FANCM: variants seen among roughly 807,000 people sequenced by gnomAD.
FANCM encodes the protein FA complementation group M, also known as Fanconi anemia group M protein.
A neutral mutation model predicts 199.5 loss-of-function variants in FANCM; 140 were observed. The ratio of observed to expected loss-of-function variants is 0.70; its 90% CI spans 0.61 to 0.81. The LOEUF (loss-of-function observed/expected upper bound fraction) is 0.81, where lower values mean the gene tolerates loss of function less well. Ranked by LOEUF, FANCM falls within the 30% of genes least tolerant of loss-of-function variation. The probability of loss-of-function intolerance (pLI) is 0.00; values close to 1 mark genes in which losing one functional copy is unlikely to be tolerated. For synonymous variants in FANCM, 840 were observed against 836.8 expected (o/e 1.00, Z -0.07); for missense variants, 2,410 against 2,421.4 (o/e 1.00, Z 0.10).
At chr14:45,191,068 G>A (rs192287466) in intron 20 of FANCM, among the ~76,000 whole-genome samples, 1 of 152,118 alleles carries the variant, frequency 6.6e-6, no homozygotes, top group African/African-American at 2.4e-5. Context: ...TATAAATGGG[G>A]TCTGTTATTT....
At chr14:45,143,972 G>A (rs112024363) in intron 3 of FANCM, among the ~76,000 whole-genome samples, 2,831 of 152,106 alleles carry the variant, frequency 0.019, 96 homozygotes, top group African/African-American at 0.064. Flanking sequence ...GATTACAGGC[G>A]TGAGCCACCA....
rs763895177 is a variant in FANCM, at chr14:45,151,432, G to T, written c.954G>T (p.Arg318Ser). 6.2e-7 allele frequency: 1 copy of T among 1,613,448 alleles called. No individual in the cohort carries two copies. The highest frequency in any genetic ancestry group is 1.7e-5 in the Admixed American group (1 of 60,014). ...LESFARSLIQ[R>S]NVLMRRDIPN... ...CATTTGCTCGTTCTTTGATTCAGAG[G>T]AATGTTTTGATGAGAAGGGATATCC... The change falls in exon 5 of 23, where the codon AGG becomes AGT. Residue 318 changes from arginine to serine, a missense_variant. Physicochemically the swap from Arg to Ser is moderately radical, Grantham distance 110 (BLOSUM62 -1). Transcript: ENST00000267430.
intron 11 of FANCM, among the ~76,000 whole-genome samples, chr14:45,167,826 A>G (rs902031077): frequency 8.5e-5 from 13 of 152,202 alleles, no homozygotes; most frequent in African/African-American, 3.1e-4. Flanking sequence ...CTTGGGAGTC[A>G]TGTGGTCCAA....
chr14:45,198,481 C>A, intron 21 of FANCM, 163 bp from the exon 22 acceptor site: 1 of 498,270 alleles, frequency 2.0e-6, no homozygotes, highest in South Asian at 3.8e-5. Context: ...TTTTCTTTCT[C>A]AGATATTTGA....
intron 2 of FANCM, among the ~76,000 whole-genome samples, chr14:45,139,285 T>C (rs991551212): frequency 6.6e-6 from 1 of 152,244 alleles, no homozygotes; most frequent in Non-Finnish European, 1.5e-5. Flanking sequence ...TGTACCATAT[T>C]TTTAAAAGCT....
rs928124198 is a variant in FANCM, at chr14:45,136,548, G to C, written c.508+9G>C. 6.2e-7 allele frequency: 1 copy of C among 1,612,354 alleles called. No individual in the cohort carries two copies. Among genetic ancestry groups the C allele is most frequent in the African/African-American group, 1.3e-5 (1 of 75,032 alleles). ...CATGGCCGAAATGACAGGTATCTTA[G>C]ACTGGACTAATTTTGAAGTAAGAGC... On this transcript the variant is annotated intron_variant, in intron 1 of 22. Coordinates refer to ENST00000267430, the MANE Select transcript of FANCM (RefSeq NM_020937.4).
At chr14:45,179,568 T>C (rs1372249888) in intron 14 of FANCM, among the ~76,000 whole-genome samples, 1 of 136,558 alleles carries the variant, frequency 7.3e-6, no homozygotes, top group Non-Finnish European at 1.6e-5. Flanking sequence ...TTTCTTTTTT[T>C]TTTTTTTTTT....
At chr14:45,141,024 A>G (rs372586180) in intron 3 of FANCM, among the ~76,000 whole-genome samples, 1 of 152,066 alleles carries the variant, frequency 6.6e-6, no homozygotes, top group East Asian at 1.9e-4. Flanking sequence ...GTGACAGAGC[A>G]AGACCCGTAA....
chr14:45,151,577 A>G (rs767584007), intron 5 of FANCM, 49 bp downstream of exon 5: 13 of 1,537,656 alleles, frequency 8.5e-6, no homozygotes, highest in Admixed American at 6.7e-5. Context: ...TTTCACTGAA[A>G]GCCAGGATAA....
intron 7 of FANCM, among the ~76,000 whole-genome samples, 179 bp downstream of exon 7, chr14:45,155,001 A>G (rs946926804): frequency 3.9e-5 from 6 of 152,190 alleles, no homozygotes; most frequent in African/African-American, 9.6e-5. Flanking sequence ...TAAAGTTTAT[A>G]TGCTTTAAAC....
At chr14:45,152,051 C>T (rs1174277708) in intron 5 of FANCM, among the ~76,000 whole-genome samples, 4 of 139,484 alleles carry the variant, frequency 2.9e-5, no homozygotes, top group African/African-American at 5.4e-5. Flanking sequence ...TTTTTTGAGA[C>T]AGAATTTCGC....
chr14:45,149,164 TG>T (rs1446745491), intron 4 of FANCM, among the ~76,000 whole-genome samples, 169 bp downstream of exon 4: 1 of 152,228 alleles, frequency 6.6e-6, no homozygotes, highest in African/African-American at 2.4e-5. Context: ...GTGTTTTGTA[TG>T]TACTAGCAAA....
In FANCM at chr14:45,170,695, A is replaced by T. The variant is rs1461529814; in HGVS notation, c.2109A>T (p.Ile703=). 10 of 1,610,746 alleles carry T rather than the reference A, an allele frequency of 6.2e-6. No individual in the cohort carries two copies. The highest frequency in any genetic ancestry group is 7.6e-6 in the Non-Finnish European group (9 of 1,176,996). ...RLRDSDEIKE[I]TLPQVQFSSL... is the part of the protein sequence containing the mutation. Reference sequence around the variant, plus strand: ...GGGACAGTGATGAAATTAAAGAGATAACATTGCCTCAAGTTCAGTTTTCTT... The same window carrying T: ...GGGACAGTGATGAAATTAAAGAGATTACATTGCCTCAAGTTCAGTTTTCTT... The change falls in exon 12 of 23, where the codon ATA becomes ATT. Residue 703 remains isoleucine, a synonymous_variant. Coordinates refer to ENST00000267430, the MANE Select transcript of FANCM (RefSeq NM_020937.4).
chr14:45,137,036 G>A, intron 1 of FANCM, 33 bp from the exon 2 acceptor site: 1 of 1,524,082 alleles, frequency 6.6e-7, no homozygotes, highest in Non-Finnish European at 9.1e-7. Flanking sequence ...ACAGTCTGAA[G>A]TTTAGAATGT....
chr14:45,167,480 G>A (rs944601665), intron 11 of FANCM: 15 of 294,754 alleles, frequency 5.1e-5, no homozygotes, highest in Admixed American at 2.9e-4. Context: ...TACAATGTGC[G>A]CTGAAGATAA....
At chr14:45,192,787 C>T (rs1889845412) in intron 20 of FANCM, among the ~76,000 whole-genome samples, 1 of 151,954 alleles carries the variant, frequency 6.6e-6, no homozygotes, top group Admixed American at 6.6e-5. Flanking sequence ...TATGATCATG[C>T]CACTGCACTT....
chr14:45,136,157 G>A lies in FANCM; in HGVS notation c.126G>A (p.Leu42=), dbSNP rs2139100378. 6.2e-7 allele frequency: 1 copy of A among 1,614,192 alleles called. No homozygotes were observed. Among genetic ancestry groups the A allele is most frequent in the East Asian group, 2.2e-5 (1 of 44,880 alleles). ...PQSPGSSKAP[L]PAAAEAQLES... The stretch of plus-strand genomic sequence containing the variant: ...GCCCTGGCAGCTCCAAGGCGCCTTT[G>A]CCAGCAGCAGCGGAGGCTCAGCTGG... The change falls in exon 1 of 23, where the codon TTG becomes TTA. Residue 42 remains leucine, a synonymous_variant. Coordinates refer to ENST00000267430, the MANE Select transcript of FANCM (RefSeq NM_020937.4).
At chr14:45,183,624 A>G (rs1889198949) in intron 16 of FANCM, 150 bp from the exon 17 acceptor site, 9 of 579,648 alleles carry the variant, frequency 1.6e-5, no homozygotes, top group Non-Finnish European at 2.4e-5. Flanking sequence ...AGCATTTAAT[A>G]TTACCTAAGT....
intron 8 of FANCM, among the ~76,000 whole-genome samples, chr14:45,156,165 T>A (rs1287063159): frequency 6.6e-6 from 1 of 152,014 alleles, no homozygotes; most frequent in Non-Finnish European, 1.5e-5. Context: ...GGAAGCCTTG[T>A]GAGTTTTGGA....
Sources: gnomAD v4.1 joint callset for allele counts (sites outside exome capture counted in the v4.1 genomes callset) on GRCh38, gnomAD v4.1.1 for gene constraint, MANE v1.5 for transcripts, NCBI Gene and HGNC (gene_info 2026-07-23, HGNC 2026-07-21) for gene names.